Variants in EPHB2 observed in about 807,000 individuals in gnomAD.
The protein encoded by EPHB2 is EPH receptor B2, also known as ephrin type-B receptor 2.
In EPHB2, 18 loss-of-function variants were observed where a neutral mutation model predicts 96.4. The observed-to-expected ratio is 0.19, with a 90% CI of 0.13 to 0.28. The LOEUF is 0.28. Ranked by LOEUF, EPHB2 falls within the 10% of genes least tolerant of loss-of-function variation. The probability of loss-of-function intolerance (pLI) is 1.00; values close to 1 mark genes in which losing one functional copy is unlikely to be tolerated. For synonymous variants in EPHB2, 506 were observed against 534.1 expected (o/e 0.95, Z 0.72); for missense variants, 989 against 1,355.4 (o/e 0.73, Z 4.25).
At chr1:22,719,255 T>A (rs1643374502) in intron 1 of EPHB2, among the ~76,000 whole-genome samples, 1 of 152,070 alleles carries the variant, frequency 6.6e-6, no homozygotes, top group African/African-American at 2.4e-5. Flanking sequence ...GGGCCCACTT[T>A]AGAGATGAGG....
intron 1 of EPHB2, among the ~76,000 whole-genome samples, chr1:22,775,972 G>A (rs954640187): frequency 2.6e-5 from 4 of 152,192 alleles, no homozygotes; most frequent in African/African-American, 7.2e-5. Flanking sequence ...CAGGTGAAAC[G>A]GCAAAGTTGG....
In EPHB2 at chr1:22,848,400, G is replaced by A. The variant is rs7521813; in HGVS notation, c.812-14637G>A. On this transcript the variant is annotated intron_variant, in intron 3 of 15. Transcript: ENST00000374630. Reference sequence around the variant, plus strand: ...TGAGATGGCCTGTCCACTATCGCTCGGTGGACCTCCTTAAAATGTGGAGCC... The same window carrying A: ...TGAGATGGCCTGTCCACTATCGCTCAGTGGACCTCCTTAAAATGTGGAGCC... Among the ~76,000 whole-genome samples the A allele has an allele frequency of 6.9e-3, 1,054 of 152,284 alleles. 12 individuals carry two copies. The highest frequency in any genetic ancestry group is 0.024 in the African/African-American group (993 of 41,560).
At chr1:22,809,051 A>G (rs925949900) in intron 3 of EPHB2, among the ~76,000 whole-genome samples, 3 of 152,236 alleles carry the variant, frequency 2.0e-5, no homozygotes, top group African/African-American at 7.2e-5. Flanking sequence ...CCTGGGATCC[A>G]TCTGCCTTTC....
chr1:22,795,359 C>T (rs1254031988), intron 3 of EPHB2, among the ~76,000 whole-genome samples: 1 of 152,206 alleles, frequency 6.6e-6, no homozygotes, highest in African/African-American at 2.4e-5. Flanking sequence ...TCGGAGGTGG[C>T]TCGCCCAGGC....
chr1:22,857,282 T>C (rs1645714738), intron 3 of EPHB2, among the ~76,000 whole-genome samples: 1 of 152,056 alleles, frequency 6.6e-6, no homozygotes. Context: ...CAACTGCCAG[T>C]TTAATAGCAC....
At chr1:22,788,486 C>T (rs1644643175) in intron 3 of EPHB2, among the ~76,000 whole-genome samples, 1 of 152,254 alleles carries the variant, frequency 6.6e-6, no homozygotes, top group African/African-American at 2.4e-5. Context: ...GCAGCCCAAG[C>T]CCCATAGGCA....
At chr1:22,859,048 G>A (rs1276441034) in intron 3 of EPHB2, among the ~76,000 whole-genome samples, 1 of 152,196 alleles carries the variant, frequency 6.6e-6, no homozygotes, top group Non-Finnish European at 1.5e-5. Context: ...GGAGGCAGGA[G>A]AATCACTTGA....
chr1:22,911,178 A>ATAAATAAATAAATAAT (rs1318121632), intron 14 of EPHB2, among the ~76,000 whole-genome samples: 2 of 151,192 alleles, frequency 1.3e-5, no homozygotes, highest in South Asian at 4.2e-4. Context: ...AAATAAATAA[A>ATAAATAAATAAATAAT]TAATTACCAA....
intron 6 of EPHB2, among the ~76,000 whole-genome samples, chr1:22,888,072 G>A (rs1018203540): frequency 1.3e-5 from 2 of 152,094 alleles, no homozygotes; most frequent in African/African-American, 4.8e-5. Context: ...TGACAACAGA[G>A]TTTTGCTCTT....
chr1:22,884,012 C>T (rs1489896958), intron 6 of EPHB2, among the ~76,000 whole-genome samples: 1 of 142,584 alleles, frequency 7.0e-6, no homozygotes, highest in Non-Finnish European at 1.5e-5. Flanking sequence ...TTCCCTCATC[C>T]TCCCCTCATC....
Position 22,913,525 on chromosome 1 carries a change from G to C in EPHB2, c.2916G>C (p.Gln972His), listed in dbSNP as rs369377482. ...AGAAAAAAATCCTGAACAGTATCCAGGTGATGCGGGCGCAGATGAACCAGA... is the reference window on the plus strand; with the variant it reads ...AGAAAAAAATCCTGAACAGTATCCACGTGATGCGGGCGCAGATGAACCAGA... ...GHQKKILNSI[Q>H]VMRAQMNQIQ... Residue 972 changes from glutamine to histidine, a missense_variant, in exon 16 of 16, where the codon CAG becomes CAC. Transcript: ENST00000374630. The surrounding 1 kb of genome is among the most constrained non-coding windows in gnomAD (Gnocchi z 4.1). 6.2e-7 allele frequency: 1 copy of C among 1,614,228 alleles called. No homozygotes were observed.
At chr1:22,886,202 C>G (rs1235270886) in intron 6 of EPHB2, among the ~76,000 whole-genome samples, 1 of 152,196 alleles carries the variant, frequency 6.6e-6, no homozygotes, top group African/African-American at 2.4e-5. Context: ...TAGGAGTTCA[C>G]CAAACGCGCA....
At chr1:22,786,401 A>T (rs568815757) in intron 3 of EPHB2, among the ~76,000 whole-genome samples, 8 of 152,282 alleles carry the variant, frequency 5.3e-5, no homozygotes, top group Non-Finnish European at 1.0e-4. Flanking sequence ...TCCCCATTGG[A>T]TTCAGAGGTT....
intron 3 of EPHB2, among the ~76,000 whole-genome samples, chr1:22,792,810 C>T (rs1644713226): frequency 6.6e-6 from 1 of 152,198 alleles, no homozygotes; most frequent in South Asian, 2.1e-4. Context: ...GTGACAGATA[C>T]ATCTACAGAC....
At chr1:22,726,192 C>A (rs72879165) in intron 1 of EPHB2, among the ~76,000 whole-genome samples, 5,317 of 152,238 alleles carry the variant, frequency 0.035, 272 homozygotes, top group African/African-American at 0.12. Context: ...AGGCCTCCTT[C>A]CTCCTTTTTC....
At chr1:22,711,615 G>A (rs1165981788) in intron 1 of EPHB2, among the ~76,000 whole-genome samples, 1 of 151,880 alleles carries the variant, frequency 6.6e-6, no homozygotes. Context: ...CCTGCCCATC[G>A]CCCGCGGCGT....
chr1:22,815,548 G>T (rs1010159782), intron 3 of EPHB2, among the ~76,000 whole-genome samples: 1 of 152,218 alleles, frequency 6.6e-6, no homozygotes, highest in Non-Finnish European at 1.5e-5. Context: ...GCCAGCCCAC[G>T]CTGGAGGCTG....
Position 22,895,485 on chromosome 1 carries a change from A to C in EPHB2, c.1605A>C (p.Thr535=). Reference sequence around the variant, plus strand: ...CTTTCTCCCCAGCCGAGTACCAGACAAGCATCCAGGAGAAGTTGCCACTCA... The same window carrying C: ...CTTTCTCCCCAGCCGAGTACCAGACCAGCATCCAGGAGAAGTTGCCACTCA... ...FQTMTEAEYQ[T]SIQEKLPLII... Residue 535 remains threonine (T), a synonymous_variant, in exon 8 of 16, where the codon ACA becomes ACC. Coordinates refer to ENST00000374630, the MANE Select transcript of EPHB2 (RefSeq NM_017449.5). 1.9e-6 allele frequency: 3 copies of C among 1,614,232 alleles called. No homozygotes were observed. The highest frequency in any genetic ancestry group is 2.5e-6 in the Non-Finnish European group (3 of 1,180,028).
chr1:22,805,251 G>A (rs577330562), intron 3 of EPHB2, among the ~76,000 whole-genome samples: 4 of 152,286 alleles, frequency 2.6e-5, no homozygotes, highest in African/African-American at 9.6e-5. Flanking sequence ...ATTCTAAAGG[G>A]ACAGAAGTGT....
Sources: gnomAD v4.1 joint callset for allele counts (sites outside exome capture counted in the v4.1 genomes callset) on GRCh38, gnomAD v4.1.1 for gene constraint, Gnocchi (gnomAD v3.1) non-coding constraint, MANE v1.5 for transcripts, NCBI Gene and HGNC (gene_info 2026-07-23, HGNC 2026-07-21) for gene names.